DMXL1: variants seen among roughly 807,000 people sequenced by gnomAD.
DMXL1 encodes the protein Dmx like 1.
A neutral mutation model predicts 319.2 loss-of-function variants in DMXL1; 99 were observed. The observed-to-expected ratio is 0.31, with a 90% CI of 0.26 to 0.37. DMXL1 has a LOEUF of 0.37. Among genes scored for constraint, DMXL1 ranks in the 10% least tolerant of loss-of-function variants. DMXL1 has a pLI of 1.00. For synonymous variants in DMXL1, 1,385 were observed against 1,235.2 expected (o/e 1.12, Z -2.54); for missense variants, 3,745 against 3,595.6 (o/e 1.04, Z -1.06).
At chr5:119,230,572 A>G (rs1581453192) in intron 38 of DMXL1, among the ~76,000 whole-genome samples, 1 of 152,330 alleles carries the variant, frequency 6.6e-6, no homozygotes, top group Non-Finnish European at 1.5e-5. Context: ...CAAAATATCA[A>G]ACTCAGTCGT....
rs934514867 is a variant in DMXL1 at position 119,129,260 on chromosome 5, A to G, written c.1152A>G (p.Glu384=). Residue 384 remains glutamate, a synonymous_variant, in exon 10 of 44, where the codon GAA becomes GAG. Coordinates refer to ENST00000539542, the MANE Select transcript of DMXL1 (RefSeq NM_001290321.3). ...SITSLSLNEN[E]EKTGPFVVHW... Reference sequence around the variant, plus strand: ...CATCTCTGAGTCTAAATGAAAATGAAGAGAAGACCGGACCTTTTGTTGTAC... The same window carrying G: ...CATCTCTGAGTCTAAATGAAAATGAGGAGAAGACCGGACCTTTTGTTGTAC... 1 of 1,613,670 alleles carries G rather than the reference A, an allele frequency of 6.2e-7. No homozygotes were observed. The highest frequency in any genetic ancestry group is 8.5e-7 in the Non-Finnish European group (1 of 1,179,728).
chr5:119,242,422 A>G (rs535061999), intron 42 of DMXL1, among the ~76,000 whole-genome samples: 1 of 152,360 alleles, frequency 6.6e-6, no homozygotes, highest in African/African-American at 2.4e-5. Context: ...CAAAATATGT[A>G]CAGGGTGTGT....
Position 119,244,516 on chromosome 5 carries a change from C to T in DMXL1, c.8862C>T (p.Ala2954=). The T allele has an allele frequency of 6.2e-7, 1 of 1,614,088 alleles. No individual in the cohort carries two copies. Among genetic ancestry groups the T allele is most frequent in the Non-Finnish European group, 8.5e-7 (1 of 1,180,018 alleles). Residue 2954 remains alanine, a synonymous_variant, in exon 43 of 44, where the codon GCC becomes GCT. Coordinates refer to ENST00000539542, the MANE Select transcript of DMXL1 (RefSeq NM_001290321.3). ...AGAGCCATGATTCTCCTGTTAAAGCCGTTGCTGTTGATCCAACTGAAGAGT... is the reference window on the plus strand; with the variant it reads ...AGAGCCATGATTCTCCTGTTAAAGCTGTTGCTGTTGATCCAACTGAAGAGT... ...LFQSHDSPVK[A]VAVDPTEEYF...
At chr5:119,081,929 T>G (rs933178565) in intron 1 of DMXL1, among the ~76,000 whole-genome samples, 1 of 151,046 alleles carries the variant, frequency 6.6e-6, no homozygotes, top group African/African-American at 2.4e-5. Context: ...TTCAGGAGCC[T>G]GATTTTATTG....
At chr5:119,204,400 A>C (rs754927229) in intron 33 of DMXL1, among the ~76,000 whole-genome samples, 1 of 152,160 alleles carries the variant, frequency 6.6e-6, no homozygotes, top group African/African-American at 2.4e-5. Flanking sequence ...TGGCCTCCCA[A>C]AGTGCTGAGA....
Position 119,149,891 on chromosome 5 carries a change from G to T in DMXL1, c.4064G>T (p.Gly1355Val). The part of the protein sequence containing the change: ...ILSHLVKCIA[G>V]EVVALNEAES... ...TCCCATCTTGTTAAGTGCATTGCTG[G>T]GGAAGTTGTGGCTCTGAATGAAGCT... is the stretch of plus-strand genomic sequence containing the variant. The change falls in exon 18 of 44, where the codon GGG becomes GTG. Residue 1355 changes from glycine to valine, a missense_variant. Transcript: ENST00000539542. 1 of 1,613,842 alleles carries T rather than the reference G, an allele frequency of 6.2e-7. No homozygotes were observed. Among genetic ancestry groups the T allele is most frequent in the Non-Finnish European group, 8.5e-7 (1 of 1,179,894 alleles).
In DMXL1 at chr5:119,208,034, A is replaced by C. The variant is rs184008101; in HGVS notation, c.7926+1138A>C. Among the ~76,000 whole-genome samples the C allele has an allele frequency of 3.4e-3, 524 of 152,242 alleles. 4 individuals are homozygous for C. The highest frequency in any genetic ancestry group is 0.012 in the African/African-American group (491 of 41,538). Reference sequence around the variant, plus strand: ...TAATTAAAAAGCCTGATTTGATATCAGGTGTATATTATAACTAAAACTTTT... The same window carrying C: ...TAATTAAAAAGCCTGATTTGATATCCGGTGTATATTATAACTAAAACTTTT... On this transcript the variant is annotated intron_variant, in intron 34 of 43. Transcript: ENST00000539542.
intron 18 of DMXL1, among the ~76,000 whole-genome samples, chr5:119,151,055 T>G (rs1231506760): frequency 6.6e-6 from 1 of 152,184 alleles, no homozygotes; most frequent in Non-Finnish European, 1.5e-5. Flanking sequence ...AAACAATTAT[T>G]TTAAGTACCT....
intron 28 of DMXL1, among the ~76,000 whole-genome samples, chr5:119,180,655 G>A (rs988354678): frequency 6.6e-6 from 1 of 151,542 alleles, no homozygotes; most frequent in African/African-American, 2.4e-5. Flanking sequence ...TGTTTATTGT[G>A]CTTTTTGTAT....
intron 31 of DMXL1, among the ~76,000 whole-genome samples, chr5:119,197,159 C>T (rs1050609569): frequency 2.0e-5 from 3 of 152,110 alleles, no homozygotes; most frequent in African/African-American, 7.2e-5. Flanking sequence ...GTATTGTTTT[C>T]ATTTTCTACA....
intron 25 of DMXL1, among the ~76,000 whole-genome samples, chr5:119,173,939 G>A (rs1775270089): frequency 6.6e-6 from 1 of 151,036 alleles, no homozygotes; most frequent in African/African-American, 2.4e-5. Flanking sequence ...TGAGAACCAG[G>A]AGAGCTATAA....
chr5:119,113,431 T>TG lies in DMXL1; in HGVS notation c.498-1040dup, dbSNP rs1370580368. Among the ~76,000 whole-genome samples, 16 of 152,128 alleles carry TG rather than the reference T, an allele frequency of 1.1e-4. No individual in the cohort carries two copies. In the East Asian group the frequency reaches 3.1e-3, roughly 29 times the overall value. ...TAATTTTTTGTATTTTTAGCAGAGA[T>TG]GGGGTTTCATCATGTTGGCCAGGCT... On this transcript the variant is annotated intron_variant, in intron 5 of 43. Transcript: ENST00000539542.
chr5:119,170,101 A>G, intron 23 of DMXL1, 89 bp from the exon 24 acceptor site: 1 of 1,360,240 alleles, frequency 7.4e-7, no homozygotes, highest in Non-Finnish European at 9.8e-7. Flanking sequence ...TCTTTAGATA[A>G]AGGTGTCATA....
At chr5:119,094,614 C>G (rs1219812166) in intron 1 of DMXL1, among the ~76,000 whole-genome samples, 1 of 152,256 alleles carries the variant, frequency 6.6e-6, no homozygotes, top group East Asian at 1.9e-4. Context: ...AAAGTTATTT[C>G]ATAAGGCTAT....
In DMXL1 at chr5:119,178,082, G is replaced by A. The variant is rs1359370271; in HGVS notation, c.6973G>A (p.Ala2325Thr). The A allele has an allele frequency of 6.2e-7, 1 of 1,613,984 alleles. No individual in the cohort carries two copies. The highest frequency in any genetic ancestry group is 1.1e-5 in the South Asian group (1 of 91,080). The change falls in exon 28 of 44, where the codon GCA (alanine) becomes ACA (threonine). Residue 2325 changes from alanine to threonine, a missense_variant. Ala to Thr is a moderately conservative substitution (Grantham distance 58). Coordinates refer to ENST00000539542, the MANE Select transcript of DMXL1 (RefSeq NM_001290321.3). ...AGTCTTGCTCTGTGAGATTCTCACA[G>A]CAGTGTATCTTAGTCTCTTCATCCA... ...LTVLLCEILTAVYLSLFIHGL... is the reference protein window; with the variant it reads ...LTVLLCEILTTVYLSLFIHGL...
rs568296525 is a variant in DMXL1 at position 119,216,769 on chromosome 5, A to G, written c.7927-132A>G. On this transcript the variant is annotated intron_variant, in intron 34 of 43. Transcript: ENST00000539542. ...GTTTTAGGGATAATTAGCATATACA[A>G]TAATACCTTTAGAATTGAAATATCT... The G allele has an allele frequency of 7.5e-5, 46 of 615,498 alleles. No individual in the cohort carries two copies. The African/African-American group carries it at 7.8e-4, about 10-fold the overall frequency. The allele number at this position is 615,498 out of a possible 1,614,324, so 38.1% of individuals were successfully genotyped here.
At chr5:119,114,110 CTTA>C (rs1378400012) in intron 5 of DMXL1, among the ~76,000 whole-genome samples, 6 of 152,130 alleles carry the variant, frequency 3.9e-5, no homozygotes, top group Non-Finnish European at 8.8e-5. Flanking sequence ...CTAAGGCAAA[CTTA>C]TTATATATTA....
At position 119,240,469 on chromosome 5, in the gene DMXL1, A is replaced by G. The variant is rs754522604; in HGVS notation, c.8702A>G (p.His2901Arg). The G allele has an allele frequency of 5.0e-6, 8 of 1,601,134 alleles. No individual in the cohort carries two copies. Among genetic ancestry groups the G allele is most frequent in the East Asian group, 4.5e-5 (2 of 44,716 alleles). Residue 2901 changes from histidine (H) to arginine (R), a missense_variant and splice_region_variant, in exon 42 of 44, where the codon CAT becomes CGT. Transcript: ENST00000539542. Reference sequence around the variant, plus strand: ...GTAGCACCTGCCAATAGTTTAGTCCATGGTAAGTTTTCAAAGCATTTTATA... The same window carrying G: ...GTAGCACCTGCCAATAGTTTAGTCCGTGGTAAGTTTTCAAAGCATTTTATA... ...TLVAPANSLV[H>R]AFTCHDSGAT...
chr5:119,131,978 A>G (rs1416987284), intron 10 of DMXL1, among the ~76,000 whole-genome samples: 1 of 152,208 alleles, frequency 6.6e-6, no homozygotes, highest in African/African-American at 2.4e-5. Context: ...CTGAAGAAAA[A>G]TATATACTTC....
Sources: allele counts gnomAD v4.1 joint callset (sites outside exome capture counted in the v4.1 genomes callset), GRCh38; gene constraint gnomAD v4.1.1; transcripts MANE v1.5; gene names NCBI Gene and HGNC (gene_info 2026-07-23, HGNC 2026-07-21).